The following SERGEF variants were observed in gnomAD, a reference collection of about 807,000 sequenced individuals.
The protein encoded by SERGEF is secretion-regulating guanine nucleotide exchange factor.
SERGEF carries 51 observed loss-of-function variants against 50.0 expected under a neutral mutation model. The ratio of observed to expected loss-of-function variants is 1.02; its 90% CI spans 0.81 to 1.29. The LOEUF (loss-of-function observed/expected upper bound fraction) is 1.29, where lower values mean the gene tolerates loss of function less well. SERGEF is among the 50% of genes most tolerant of loss of function. SERGEF has a pLI of 0.00. For missense variants in SERGEF, 521 were observed against 557.0 expected (o/e 0.94, Z 0.65); for synonymous variants, 205 against 212.4 (o/e 0.97, Z 0.30).
At chr11:17,954,683 G>C (rs1852830929) in intron 9 of SERGEF, among the ~76,000 whole-genome samples, 1 of 152,184 alleles carries the variant, frequency 6.6e-6, no homozygotes, top group African/African-American at 2.4e-5. Flanking sequence ...TGCTCCAATG[G>C]CACTGTATGT....
At chr11:17,807,156 C>T (rs528987763) in intron 10 of SERGEF, among the ~76,000 whole-genome samples, 2 of 152,272 alleles carry the variant, frequency 1.3e-5, no homozygotes, top group South Asian at 4.1e-4. Flanking sequence ...GAGCAGTGTT[C>T]CTTCTCCATC....
Position 17,888,489 on chromosome 11 carries a change from G to A in SERGEF, c.1012-10245C>T, listed in dbSNP as rs1321621401. Among the ~76,000 whole-genome samples the A allele has an allele frequency of 2.6e-5, 4 of 152,164 alleles. No individual in the cohort carries two copies. The highest frequency in any genetic ancestry group is 5.9e-5 in the Non-Finnish European group (4 of 68,028). ...GTATATATTGTGGGACCATGCAAATGAGGAAATATATGAATGTTGCTAGGA... is the reference window on the plus strand; with the variant it reads ...GTATATATTGTGGGACCATGCAAATAAGGAAATATATGAATGTTGCTAGGA... On this transcript the variant is annotated intron_variant, in intron 9 of 10. Coordinates refer to ENST00000265965, the MANE Select transcript of SERGEF (RefSeq NM_012139.4). This position sits in a 1 kb window ranked among gnomAD's most constrained non-coding sequence, Gnocchi z 4.1.
chr11:17,835,244 T>C (rs1328426286), intron 10 of SERGEF, among the ~76,000 whole-genome samples: 1 of 152,190 alleles, frequency 6.6e-6, no homozygotes, highest in Non-Finnish European at 1.5e-5. Context: ...AGGCCTAAGA[T>C]GATTTTCGTT....
intron 10 of SERGEF, among the ~76,000 whole-genome samples, chr11:17,795,962 C>T (rs1385538009): frequency 6.6e-6 from 1 of 152,192 alleles, no homozygotes. Flanking sequence ...GCCACGGCCC[C>T]CTTCAGACTA....
intron 8 of SERGEF, among the ~76,000 whole-genome samples, chr11:17,961,652 C>T (rs927476309): frequency 6.6e-6 from 1 of 152,192 alleles, no homozygotes; most frequent in African/African-American, 2.4e-5. Context: ...ATTCCACTTA[C>T]AGAGCACTTT....
intron 10 of SERGEF, among the ~76,000 whole-genome samples, chr11:17,816,918 G>C (rs1392810184): frequency 6.6e-6 from 1 of 152,178 alleles, no homozygotes; most frequent in Non-Finnish European, 1.5e-5. Flanking sequence ...TCTCCATAGG[G>C]AAGCAGCCTT....
In SERGEF at chr11:17,878,302, T is replaced by C. The variant is rs531900590; in HGVS notation, c.1012-58A>G. 1.7e-4 allele frequency: 236 copies of C among 1,353,088 alleles called. 5 individuals are homozygous for C. The South Asian group carries it at 2.6e-3, about 15-fold the overall frequency. The allele number at this position is 1,353,088 out of a possible 1,614,324, so 83.8% of individuals were successfully genotyped here. A position where few individuals can be genotyped will look rare whatever the true frequency, so the allele number is the denominator to read the frequency against. The stretch of plus-strand genomic sequence containing the variant: ...TAGATATTTCAGCCAGTATATTTTA[T>C]AATCATAGTTCTTTTCTAATGACAC... On this transcript the variant is annotated intron_variant, in intron 9 of 10. Coordinates refer to ENST00000265965, the MANE Select transcript of SERGEF (RefSeq NM_012139.4).
Position 17,788,189 on chromosome 11 carries a change from T to C in SERGEF, c.1273A>G (p.Thr425Ala), listed in dbSNP as rs1360272301. The change falls in exon 11 of 11, where the codon ACT (threonine) becomes GCT (alanine). Residue 425 changes from threonine to alanine, a missense_variant. Transcript: ENST00000265965. Reference protein sequence around the residue: ...TYLSPDAIEDTESQKAMDKER... With the variant: ...TYLSPDAIEDAESQKAMDKER... Reference sequence around the variant, plus strand: ...TTGTCCATGGCTTTCTGAGATTCAGTGTCCTCGATGGCATCTGGGGAAAGG... The same window carrying C: ...TTGTCCATGGCTTTCTGAGATTCAGCGTCCTCGATGGCATCTGGGGAAAGG... 1.2e-6 allele frequency: 2 copies of C among 1,603,466 alleles called. No homozygotes were observed. Among genetic ancestry groups the C allele is most frequent in the African/African-American group, 2.7e-5 (2 of 74,778 alleles).
At chr11:17,953,897 C>A (rs1198712650) in intron 9 of SERGEF, among the ~76,000 whole-genome samples, 1 of 152,194 alleles carries the variant, frequency 6.6e-6, no homozygotes, top group African/African-American at 2.4e-5. Flanking sequence ...TCCGGTCCAC[C>A]ACTTTGAGGT....
chr11:17,800,729 G>C (rs61882400), intron 10 of SERGEF, among the ~76,000 whole-genome samples: 185 of 152,274 alleles, frequency 1.2e-3, no homozygotes, highest in African/African-American at 4.0e-3. Context: ...CCTGAGTTGC[G>C]ACCTGTAGGA....
intron 9 of SERGEF, among the ~76,000 whole-genome samples, chr11:17,885,600 A>G (rs1019354554): frequency 1.3e-5 from 2 of 152,052 alleles, no homozygotes; most frequent in Non-Finnish European, 2.9e-5. Flanking sequence ...CTGGGATAAC[A>G]GGCATGACCC....
chr11:17,923,183 C>T (rs567079207), intron 9 of SERGEF, among the ~76,000 whole-genome samples: 6 of 152,328 alleles, frequency 3.9e-5, no homozygotes, highest in South Asian at 4.1e-4. Context: ...TCTATTGGTC[C>T]AGCCCTGCCA....
intron 4 of SERGEF, among the ~76,000 whole-genome samples, chr11:18,001,153 C>T (rs530941875): frequency 1.8e-3 from 277 of 152,304 alleles, no homozygotes; most frequent in African/African-American, 6.3e-3. Context: ...TGGAACCAAA[C>T]CTATCTGCCT....
chr11:17,879,418 G>T (rs1248049792), intron 9 of SERGEF, among the ~76,000 whole-genome samples: 1 of 152,174 alleles, frequency 6.6e-6, no homozygotes, highest in East Asian at 1.9e-4. Flanking sequence ...TACTGGAAGG[G>T]CCCTGGAGAT....
rs533126612 is a variant in SERGEF, at chr11:17,950,998, A to C, written c.1011+8472T>G. On this transcript the variant is annotated intron_variant, in intron 9 of 10. Coordinates refer to ENST00000265965, the MANE Select transcript of SERGEF (RefSeq NM_012139.4). ...AGAGATATCCTTGCTGTCAATGCTG[A>C]TGGCTGCCTCAACAGGAATTCATAC... Among the ~76,000 whole-genome samples the C allele has an allele frequency of 3.9e-5, 6 of 152,290 alleles. No homozygotes were observed. The South Asian group carries it at 1.2e-3, about 32-fold the overall frequency.
chr11:17,987,616 T>C (rs536464996), intron 8 of SERGEF, among the ~76,000 whole-genome samples: 276 of 152,362 alleles, frequency 1.8e-3, no homozygotes, highest in African/African-American at 6.4e-3. Context: ...AAAATGATCA[T>C]GAAATGTTTT....
intron 9 of SERGEF, among the ~76,000 whole-genome samples, chr11:17,943,236 T>G (rs1852593073): frequency 1.3e-5 from 2 of 152,196 alleles, no homozygotes; most frequent in South Asian, 4.1e-4. Flanking sequence ...TTTTTGATAA[T>G]AAATTGATTT....
intron 9 of SERGEF, among the ~76,000 whole-genome samples, chr11:17,948,278 C>A (rs1212493318): frequency 1.3e-5 from 2 of 152,150 alleles, no homozygotes; most frequent in Non-Finnish European, 1.5e-5. Flanking sequence ...GCTTTCACAT[C>A]CCTGACATCA....
At chr11:17,912,354 A>T (rs541539106) in intron 9 of SERGEF, among the ~76,000 whole-genome samples, 28 of 152,358 alleles carry the variant, frequency 1.8e-4, no homozygotes, top group African/African-American at 6.7e-4. Context: ...CTTTAAAAAA[A>T]CACAGGGAAT....
Sources: gnomAD v4.1 joint callset for allele counts (sites outside exome capture counted in the v4.1 genomes callset) on GRCh38, gnomAD v4.1.1 for gene constraint, Gnocchi (gnomAD v3.1) non-coding constraint, MANE v1.5 for transcripts, NCBI Gene and HGNC (gene_info 2026-07-23, HGNC 2026-07-21) for gene names.